NRG1: variants seen among roughly 807,000 people sequenced by gnomAD.
NRG1 encodes the protein neuregulin 1.
A neutral mutation model predicts 63.8 loss-of-function variants in NRG1; 18 were observed. The observed-to-expected ratio is 0.28, with a 90% CI of 0.19 to 0.42. The LOEUF (loss-of-function observed/expected upper bound fraction) is 0.42, where lower values mean the gene tolerates loss of function less well. Among genes scored for constraint, NRG1 ranks in the 10% least tolerant of loss-of-function variants. NRG1 has a pLI of 1.00. For synonymous variants in NRG1, 302 were observed against 301.3 expected (o/e 1.00, Z -0.02); for missense variants, 762 against 814.7 (o/e 0.94, Z 0.79).
chr8:31,891,496 C>T (rs137900367), intron 1 of NRG1, among the ~76,000 whole-genome samples: 8,064 of 152,232 alleles, frequency 0.053, 336 homozygotes, highest in Admixed American at 0.13. Context: ...AGACCAATCG[C>T]TGGCAAAGAT....
intron 1 of NRG1, among the ~76,000 whole-genome samples, chr8:31,725,303 T>G (rs555004671): frequency 4.6e-5 from 7 of 152,318 alleles, no homozygotes; most frequent in Admixed American, 1.3e-4. Context: ...TCTCTGATAC[T>G]GAGAACATGC....
intron 1 of NRG1, among the ~76,000 whole-genome samples, chr8:31,872,409 A>G (rs1829568805): frequency 6.6e-6 from 1 of 152,170 alleles, no homozygotes; most frequent in Non-Finnish European, 1.5e-5. Context: ...AAGTCTGACA[A>G]TTACTTCCTC....
chr8:31,915,797 A>C lies in NRG1; in HGVS notation c.37+276366A>C, dbSNP rs567049484. 7.9e-5 allele frequency among the ~76,000 whole-genome samples: 12 copies of C among 152,220 alleles called. No homozygotes were observed. The South Asian group carries it at 8.3e-4, about 11-fold the overall frequency. Reference sequence around the variant, plus strand: ...GGAGATGACATAGTTTGCCAAGTTAATTTACACATTTTCATACTACATATA... The same window carrying C: ...GGAGATGACATAGTTTGCCAAGTTACTTTACACATTTTCATACTACATATA... On this transcript the variant is annotated intron_variant, in intron 1 of 10. Coordinates refer to the NRG1 transcript ENST00000519301.
At chr8:32,263,395 G>T (rs2129471787) in intron 1 of NRG1, among the ~76,000 whole-genome samples, 1 of 152,248 alleles carries the variant, frequency 6.6e-6, no homozygotes, top group African/African-American at 2.4e-5. Flanking sequence ...GAGCGATAAG[G>T]TAAGTCCAGG....
intron 1 of NRG1, among the ~76,000 whole-genome samples, chr8:31,672,193 C>T (rs537552078): frequency 1.3e-5 from 2 of 152,174 alleles, no homozygotes; most frequent in Admixed American, 6.5e-5. Flanking sequence ...AGAATGTTTC[C>T]TACCTCAGCA....
intron 1 of NRG1, among the ~76,000 whole-genome samples, chr8:32,412,453 CATATATAT>C (rs368054524): frequency 2.5e-4 from 19 of 76,704 alleles, no homozygotes; most frequent in Non-Finnish European, 4.2e-4. Flanking sequence ...TATATATATA[CATATATAT>C]ATATATATAT....
At chr8:31,992,573 A>G (rs949180233) in intron 1 of NRG1, among the ~76,000 whole-genome samples, 1 of 152,038 alleles carries the variant, frequency 6.6e-6, no homozygotes. Flanking sequence ...GATTTTTGAT[A>G]CCTGACTCCT....
chr8:32,258,043 G>A (rs993100091), intron 1 of NRG1, among the ~76,000 whole-genome samples: 10 of 152,124 alleles, frequency 6.6e-5, no homozygotes, highest in African/African-American at 2.4e-4. Context: ...TCCAATATAG[G>A]ACACATATCA....
intron 6 of NRG1, among the ~76,000 whole-genome samples, chr8:32,741,223 G>A (rs935734456): frequency 6.6e-6 from 1 of 152,132 alleles, no homozygotes; most frequent in East Asian, 1.9e-4. Context: ...AATTTTGATA[G>A]TTAAATATAT....
At position 32,135,467 on chromosome 8, in the gene NRG1, G is replaced by A. The variant is rs186409636; in HGVS notation, c.38-460361G>A. ...TTCTGAGCTTGTTTTGGAGGTAGAG[G>A]AGGCAAGATTTGTTAAAGAACTGGC... On this transcript the variant is annotated intron_variant, in intron 1 of 10. Transcript: ENST00000519301. 4.7e-4 allele frequency among the ~76,000 whole-genome samples: 71 copies of A among 152,070 alleles called. 1 individual carries two copies. The highest frequency in any genetic ancestry group is 4.2e-3 in the Admixed American group (64 of 15,248).
intron 1 of NRG1, among the ~76,000 whole-genome samples, chr8:31,859,255 C>G (rs1432808040): frequency 6.6e-6 from 1 of 152,078 alleles, no homozygotes; most frequent in African/African-American, 2.4e-5. Flanking sequence ...AACTAAGTGC[C>G]TTGAGTATAT....
chr8:31,762,115 T>C lies in NRG1; in HGVS notation c.37+122684T>C, dbSNP rs572155051. Among the ~76,000 whole-genome samples, 5 of 152,340 alleles carry C rather than the reference T, an allele frequency of 3.3e-5. No individual in the cohort carries two copies. The South Asian group carries it at 1.0e-3, about 32-fold the overall frequency. The stretch of plus-strand genomic sequence containing the variant: ...AAAAATTTCTTCTAAAAAAACAGGG[T>C]ACATGTGCAGAACATGCAAGTTGGT... On this transcript the variant is annotated intron_variant, in intron 1 of 10. Transcript: ENST00000519301.
chr8:32,359,007 G>A (rs1806852817), intron 1 of NRG1, among the ~76,000 whole-genome samples: 1 of 152,172 alleles, frequency 6.6e-6, no homozygotes, highest in Non-Finnish European at 1.5e-5. Context: ...ATAACCAAAG[G>A]AAGAAACGAT....
At chr8:31,815,365 G>A (rs1383832528) in intron 1 of NRG1, among the ~76,000 whole-genome samples, 1 of 152,024 alleles carries the variant, frequency 6.6e-6, no homozygotes, top group Non-Finnish European at 1.5e-5. Flanking sequence ...TTTTGAGACT[G>A]GCTTATTTCA....
At chr8:32,647,240 G>C in intron 5 of NRG1, 5 of 985,272 alleles carry the variant, frequency 5.1e-6, no homozygotes, top group Non-Finnish European at 4.8e-6. Context: ...TCCTGCCGCC[G>C]CTGCTGCTGC....
intron 1 of NRG1, among the ~76,000 whole-genome samples, chr8:31,705,337 C>T (rs112851549): frequency 0.14 from 21,963 of 152,058 alleles, 1,745 homozygotes; most frequent in Admixed American, 0.21. Flanking sequence ...TGAGCCACCG[C>T]GCCCCAGCCT....
At chr8:32,185,801 A>G (rs907048002) in intron 1 of NRG1, among the ~76,000 whole-genome samples, 3 of 152,224 alleles carry the variant, frequency 2.0e-5, no homozygotes, top group African/African-American at 7.2e-5. Context: ...GACTAAGGCT[A>G]TTATAATCCT....
At chr8:31,737,357 T>C (rs1301204169) in intron 1 of NRG1, among the ~76,000 whole-genome samples, 1 of 152,136 alleles carries the variant, frequency 6.6e-6, no homozygotes, top group Admixed American at 6.6e-5. Context: ...TATTATGTTG[T>C]AATTTCTTTT....
chr8:32,272,703 A>G lies in NRG1; in HGVS notation c.38-323125A>G, dbSNP rs1586548952. On this transcript the variant is annotated intron_variant, in intron 1 of 10. Coordinates refer to the NRG1 transcript ENST00000519301. ...GAGTTCTTCACATAAATCAACCTAT[A>G]ACTCACCCAGCCTCTGTGTCCCAGG... Among the ~76,000 whole-genome samples the G allele has an allele frequency of 5.9e-5, 9 of 152,286 alleles. No individual in the cohort carries two copies. The South Asian group carries it at 1.9e-3, about 32-fold the overall frequency.
Sources: gnomAD v4.1 joint callset for allele counts (sites outside exome capture counted in the v4.1 genomes callset) on GRCh38, gnomAD v4.1.1 for gene constraint, MANE v1.5 for transcripts, NCBI Gene and HGNC (gene_info 2026-07-23, HGNC 2026-07-21) for gene names.